AGO4: variants seen among roughly 807,000 people sequenced by gnomAD.
The protein encoded by AGO4 is protein argonaute-4.
Under a neutral mutation model 104.7 loss-of-function variants are expected in AGO4, and 33 were observed. That is an observed-to-expected ratio of 0.32 (90% CI 0.24 to 0.42). The LOEUF (loss-of-function observed/expected upper bound fraction) is 0.42, where lower values mean the gene tolerates loss of function less well. Ranked by LOEUF, AGO4 falls within the 10% of genes least tolerant of loss-of-function variation. AGO4 has a pLI of 1.00. For synonymous variants in AGO4, 331 were observed against 364.7 expected (o/e 0.91, Z 1.05); for missense variants, 711 against 1,083.4 (o/e 0.66, Z 4.83).
At chr1:35,810,296 G>T (rs1236949177) in intron 1 of AGO4, among the ~76,000 whole-genome samples, 3 of 152,190 alleles carry the variant, frequency 2.0e-5, no homozygotes, top group Non-Finnish European at 1.5e-5. Context: ...AAAGGGAGTT[G>T]ATCGTCTTGT....
At chr1:35,831,730 T>G (rs1022981915) in intron 8 of AGO4, 82 bp from the exon 9 acceptor site, 40 of 1,564,306 alleles carry the variant, frequency 2.6e-5, no homozygotes, top group Non-Finnish European at 3.0e-5. Flanking sequence ...TTTCTGGAAA[T>G]AGAGGATATA....
In AGO4 at chr1:35,841,800, G is replaced by T; in HGVS notation, c.2175+50G>T. The T allele has an allele frequency of 2.1e-5, 27 of 1,286,574 alleles. No individual in the cohort carries two copies. Among genetic ancestry groups the T allele is most frequent in the East Asian group, 2.5e-5 (1 of 39,678 alleles). The allele number at this position is 1,286,574 out of a possible 1,614,324, so 79.7% of individuals were successfully genotyped here. ...GTTATCTGAGGCTCTGGCAAGAGAT[G>T]TATATATGCACATATATATATATAT... On this transcript the variant is annotated intron_variant, in intron 15 of 17. Coordinates refer to ENST00000373210, the MANE Select transcript of AGO4 (RefSeq NM_017629.4). The surrounding 1 kb of genome is among the most constrained non-coding windows in gnomAD (Gnocchi z 4.7).
At chr1:35,840,458 G>A (rs1425564803) in intron 13 of AGO4, among the ~76,000 whole-genome samples, 1 of 151,218 alleles carries the variant, frequency 6.6e-6, no homozygotes, top group Non-Finnish European at 1.5e-5. Context: ...CACCATGCCC[G>A]GCCTTAATTT....
Position 35,841,800 on chromosome 1 carries a change from GTATATATGCACATATATATATATATA to G in AGO4, c.2175+58_2175+83del, listed in dbSNP as rs112259158. 6.2e-5 allele frequency: 80 copies of G among 1,286,670 alleles called. 4 individuals are homozygous for G. The African/African-American group carries it at 7.2e-4, about 12-fold the overall frequency. The allele number at this position is 1,286,670 out of a possible 1,614,324, so 79.7% of individuals were successfully genotyped here. On this transcript the variant is annotated intron_variant, in intron 15 of 17. Coordinates refer to ENST00000373210, the MANE Select transcript of AGO4 (RefSeq NM_017629.4). This position sits in a 1 kb window ranked among gnomAD's most constrained non-coding sequence, Gnocchi z 4.7. ...GTTATCTGAGGCTCTGGCAAGAGATGTATATATGCACATATATATATATATATATATATATATACACCATTTTTATA... is the reference window on the plus strand; with the variant it reads ...GTTATCTGAGGCTCTGGCAAGAGATGTATATATATATACACCATTTTTATA...
chr1:35,827,730 A>G (rs1354642658), intron 7 of AGO4, among the ~76,000 whole-genome samples: 1 of 149,174 alleles, frequency 6.7e-6, no homozygotes, highest in Non-Finnish European at 1.5e-5. Flanking sequence ...GTTTTATTTA[A>G]TCTTTTTATT....
At position 35,853,530 on chromosome 1, in the gene AGO4, C is replaced by T. The variant is rs760521852; in HGVS notation, c.2511C>T (p.Asn837=). The T allele has an allele frequency of 2.5e-5, 41 of 1,613,638 alleles. 1 individual carries two copies. Among genetic ancestry groups the T allele is most frequent in the East Asian group, 4.5e-5 (2 of 44,884 alleles). Reference sequence around the variant, plus strand: ...GCAGTCATGTGTCAGGACAGAGCAACGGCCGGGATCCTCAGGCCTTGGCTA... The same window carrying T: ...GCAGTCATGTGTCAGGACAGAGCAATGGCCGGGATCCTCAGGCCTTGGCTA... ...AEGSHVSGQS[N]GRDPQALAKA... Residue 837 remains asparagine, a synonymous_variant, in exon 18 of 18, where the codon AAC becomes AAT. Transcript: ENST00000373210.
chr1:35,822,310 C>T (rs1055871948), intron 2 of AGO4, among the ~76,000 whole-genome samples: 6 of 152,142 alleles, frequency 3.9e-5, no homozygotes, highest in African/African-American at 1.2e-4. Context: ...GGATGGAGTG[C>T]AATGGCACGA....
In AGO4 at chr1:35,832,510, T is replaced by C. The variant is rs1644210395; in HGVS notation, c.1319T>C (p.Ile440Thr). ...AAGCAGTTTTATGCTGGCATTGAAA[T>C]TAAAGTTTGGGCAGTTGCTTGTTTT... ...RGKQFYAGIE[I>T]KVWAVACFAP... Residue 440 changes from isoleucine (I) to threonine (T), a missense_variant, in exon 11 of 18, where the codon ATT becomes ACT. Physicochemically the swap from Ile to Thr is moderately conservative, Grantham distance 89. This residue lies in a region of AGO4 where 401 missense variants were observed against 665.5 expected (regional missense o/e 0.60). Coordinates refer to ENST00000373210, the MANE Select transcript of AGO4 (RefSeq NM_017629.4). 6.2e-7 allele frequency: 1 copy of C among 1,613,878 alleles called. No homozygotes were observed. The highest frequency in any genetic ancestry group is 8.5e-7 in the Non-Finnish European group (1 of 1,179,998).
chr1:35,809,613 G>A (rs1010007751), intron 1 of AGO4, among the ~76,000 whole-genome samples: 4 of 152,092 alleles, frequency 2.6e-5, no homozygotes, highest in African/African-American at 9.7e-5. Flanking sequence ...AATATTGTTT[G>A]ATAAACTTCA....
rs111531043 is a variant in AGO4 at position 35,832,418 on chromosome 1, C to CT, written c.1246-6dup. 0.093 allele frequency: 88,934 copies of CT among 958,736 alleles called. No individual in the cohort carries two copies. Among genetic ancestry groups the CT allele is most frequent in the South Asian group, 0.13 (6,791 of 54,108 alleles). 59.4% of individuals were successfully genotyped at this position (958,736 alleles called of 1,614,324 possible). A position where few individuals can be genotyped will look rare whatever the true frequency, so the allele number is the denominator to read the frequency against. ...TTTGTTTCTTCTTCTTCTTCTTCTT[C>CT]TTTTTTTTTTTTTCAAAGAATAAAA... is the stretch of plus-strand genomic sequence containing the variant. On this transcript the variant is annotated intron_variant, in intron 10 of 17. Transcript: ENST00000373210.
Position 35,831,707 on chromosome 1 carries a change from C to G in AGO4, c.997-105C>G, listed in dbSNP as rs1347670946. On this transcript the variant is annotated intron_variant, in intron 8 of 17. Transcript: ENST00000373210. ...TTTGGCAGATGATTTCACTATATAA[C>G]CAAATTTTAATTTTTCTGGAAATAG... 4 of 1,547,376 alleles carry G rather than the reference C, an allele frequency of 2.6e-6. No individual in the cohort carries two copies. In the East Asian group the frequency reaches 9.0e-5, roughly 35 times the overall value.
At chr1:35,842,657 C>G (rs1037905142) in intron 15 of AGO4, among the ~76,000 whole-genome samples, 1 of 152,064 alleles carries the variant, frequency 6.6e-6, no homozygotes, top group African/African-American at 2.4e-5. Flanking sequence ...CAAAAATTAG[C>G]TGGGCGTAAT....
chr1:35,839,298 A>G (rs1455225035), intron 13 of AGO4, among the ~76,000 whole-genome samples: 1 of 152,132 alleles, frequency 6.6e-6, no homozygotes, highest in Non-Finnish European at 1.5e-5. Flanking sequence ...ATCCCTCCTT[A>G]AACATTAGTG....
intron 1 of AGO4, among the ~76,000 whole-genome samples, chr1:35,813,163 A>C (rs1436414963): frequency 6.6e-5 from 10 of 152,154 alleles, no homozygotes; most frequent in Non-Finnish European, 4.4e-5. Flanking sequence ...TAATCCCAGC[A>C]CTTTGGGAGG....
chr1:35,814,967 T>A (rs1267368273), intron 1 of AGO4, among the ~76,000 whole-genome samples: 1 of 152,132 alleles, frequency 6.6e-6, no homozygotes, highest in Admixed American at 6.5e-5. Context: ...AACCTCTGCC[T>A]CCCGGGTTCA....
At chr1:35,844,203 G>A (rs1223390514) in intron 15 of AGO4, among the ~76,000 whole-genome samples, 1 of 151,920 alleles carries the variant, frequency 6.6e-6, no homozygotes, top group Non-Finnish European at 1.5e-5. Flanking sequence ...CATCACTCTT[G>A]GCTACTTTTT....
intron 1 of AGO4, among the ~76,000 whole-genome samples, chr1:35,814,558 T>C (rs1643628296): frequency 2.0e-5 from 3 of 151,818 alleles, no homozygotes; most frequent in Non-Finnish European, 2.9e-5. Context: ...ATGCGGTGTT[T>C]ATAAGAGTTT....
rs115387324 is a variant in AGO4 at position 35,839,417 on chromosome 1, C to T, written c.1725-1748C>T. Among the ~76,000 whole-genome samples the T allele has an allele frequency of 6.0e-4, 91 of 152,252 alleles. No individual in the cohort carries two copies. The Middle Eastern group carries it at 0.014, about 23-fold the overall frequency. ...TAGTGGCTTAGAGTGCATACTTTGGCGTTAAACTTCTTTGGTTTGGATTGC... is the reference window on the plus strand; with the variant it reads ...TAGTGGCTTAGAGTGCATACTTTGGTGTTAAACTTCTTTGGTTTGGATTGC... On this transcript the variant is annotated intron_variant, in intron 13 of 17. Transcript: ENST00000373210.
intron 15 of AGO4, among the ~76,000 whole-genome samples, chr1:35,847,185 T>A (rs572768028): frequency 2.6e-5 from 4 of 151,086 alleles, no homozygotes; most frequent in Non-Finnish European, 5.9e-5. Context: ...AAAAAAAAAA[T>A]CACAAACAAA....
Sources: allele counts gnomAD v4.1 joint callset (sites outside exome capture counted in the v4.1 genomes callset), GRCh38; gene constraint gnomAD v4.1.1; regional missense constraint gnomAD v4.1.1; non-coding constraint Gnocchi (gnomAD v3.1); transcripts MANE v1.5; gene names NCBI Gene and HGNC (gene_info 2026-07-23, HGNC 2026-07-21).